Variants in TMEM44 observed in about 807,000 individuals in gnomAD.
TMEM44 encodes the protein transmembrane protein 44.
TMEM44 carries 43 observed loss-of-function variants against 47.8 expected under a neutral mutation model. The observed-to-expected ratio is 0.90, with a 90% confidence interval of 0.70 to 1.16. The LOEUF (loss-of-function observed/expected upper bound fraction) is 1.16. TMEM44 is among the 50% of genes most tolerant of loss of function. TMEM44 has a pLI of 0.00. For missense variants in TMEM44, 568 were observed against 555.2 expected, an observed-to-expected ratio of 1.02 and a Z score of -0.23; for synonymous variants, 277 against 238.8, an observed-to-expected ratio of 1.16 and a Z score of -1.48.
chr3:194,603,930 T>C (rs1318952963), intron 9 of TMEM44, among the ~76,000 whole-genome samples: 1 of 151,952 alleles, frequency 6.6e-6, no homozygotes, highest in Non-Finnish European at 1.5e-5. Flanking sequence ...CTCGGCTCAC[T>C]GCAACCTCTG....
Position 194,633,113 on chromosome 3 carries a change from A to G in TMEM44, c.103T>C (p.Cys35Arg), listed in dbSNP as rs1718002406. The G allele has an allele frequency of 1.3e-6, 2 of 1,550,798 alleles. No individual in the cohort carries two copies. Among genetic ancestry groups the G allele is most frequent in the Non-Finnish European group, 1.7e-6 (2 of 1,147,762 alleles). ...RVCISFGLWI[C>R]ASSCWIAAHA... is the part of the protein sequence containing the mutation. ...GCGGCGATCCAGCAGGAGGAGGCGC[A>G]GATCCACAGGCCGAAGGAGATGCAG... Residue 35 changes from cysteine to arginine, a missense_variant, in exon 1 of 10, where the codon TGC becomes CGC. By Grantham distance (180) the Cys-to-Arg change is radical. Transcript: ENST00000347147.
chr3:194,608,120 C>T (rs1018374107), intron 8 of TMEM44, among the ~76,000 whole-genome samples: 2 of 152,224 alleles, frequency 1.3e-5, no homozygotes, highest in Non-Finnish European at 2.9e-5. Context: ...CAGGAACTCC[C>T]GTGCCTTCCC....
chr3:194,606,201 G>GGGCCCCATAT (rs950877505), intron 8 of TMEM44, among the ~76,000 whole-genome samples: 9 of 152,128 alleles, frequency 5.9e-5, no homozygotes, highest in African/African-American at 2.2e-4. Context: ...TGGCCCCATG[G>GGGCCCCATAT]GACCCCTCTG....
intron 3 of TMEM44, among the ~76,000 whole-genome samples, chr3:194,625,054 T>C (rs1442916981): frequency 6.6e-6 from 1 of 152,080 alleles, no homozygotes; most frequent in African/African-American, 2.4e-5. Flanking sequence ...CCCAAGCACA[T>C]GGCTGACCCT....
intron 9 of TMEM44, among the ~76,000 whole-genome samples, chr3:194,593,756 A>G (rs139047076): frequency 6.6e-6 from 1 of 152,324 alleles, no homozygotes; most frequent in East Asian, 1.9e-4. Context: ...TAGGGTTATT[A>G]TCACATTAAA....
At chr3:194,594,875 A>G (rs981473344) in intron 9 of TMEM44, among the ~76,000 whole-genome samples, 9 of 152,352 alleles carry the variant, frequency 5.9e-5, no homozygotes, top group African/African-American at 1.9e-4. Flanking sequence ...TCTAAAATTT[A>G]GGAAGAGCGC....
chr3:194,620,667 G>T (rs568863952), intron 5 of TMEM44, among the ~76,000 whole-genome samples: 60 of 152,254 alleles, frequency 3.9e-4, no homozygotes, highest in African/African-American at 1.4e-3. Flanking sequence ...CAGTGGTGGG[G>T]CTGGCCTGGG....
intron 1 of TMEM44, among the ~76,000 whole-genome samples, chr3:194,632,027 C>T (rs114207613): frequency 0.016 from 2,375 of 152,314 alleles, 59 homozygotes; most frequent in African/African-American, 0.054. Context: ...TTTAATCTCT[C>T]TTACCAGCCT....
chr3:194,604,455 G>A lies in TMEM44; in HGVS notation c.1018-10C>T. 6.7e-7 allele frequency: 1 copy of A among 1,494,730 alleles called. No individual in the cohort carries two copies. Among genetic ancestry groups the A allele is most frequent in the Non-Finnish European group, 9.0e-7 (1 of 1,116,030 alleles). 92.6% of individuals were successfully genotyped at this position (1,494,730 alleles called of 1,614,324 possible). A position where few individuals can be genotyped will look rare whatever the true frequency, so the allele number is the denominator to read the frequency against. On this transcript the variant is annotated splice_polypyrimidine_tract_variant and intron_variant, in intron 8 of 9. Transcript: ENST00000347147. The stretch of plus-strand genomic sequence containing the variant: ...TGGCACTGCAGCCTGCCTGCAAGGT[G>A]TGTGAGAAAGGGCAGGCAAGGACAC...
chr3:194,601,148 TG>T lies in TMEM44; in HGVS notation c.1176+3138del, dbSNP rs201645843. Among the ~76,000 whole-genome samples the T allele has an allele frequency of 5.5e-4, 82 of 150,080 alleles. 2 individuals carry two copies. Among genetic ancestry groups the T allele is most frequent in the East Asian group, 1.6e-3 (8 of 5,092 alleles). On this transcript the variant is annotated intron_variant, in intron 9 of 9. Transcript: ENST00000347147. ...CCTGTCTTCTTGGAATTTACTTGTT[TG>T]TTTTTTTTTTTTGAGGTGGAGTTTC...
chr3:194,630,031 T>C (rs548591817), intron 1 of TMEM44, among the ~76,000 whole-genome samples: 1 of 93,728 alleles, frequency 1.1e-5, no homozygotes, highest in Admixed American at 1.2e-4. Context: ...GCTGGCTGTT[T>C]CCATCGGCGT....
intron 9 of TMEM44, among the ~76,000 whole-genome samples, chr3:194,599,866 TCTC>T (rs201561863): frequency 0.34 from 51,643 of 150,820 alleles, 9,528 homozygotes; most frequent in East Asian, 0.77. Context: ...TTCAAGTGAT[TCTC>T]CTATCTCAGC....
chr3:194,609,578 G>C (rs1175018601), intron 8 of TMEM44, among the ~76,000 whole-genome samples: 1 of 152,094 alleles, frequency 6.6e-6, no homozygotes, highest in Non-Finnish European at 1.5e-5. Flanking sequence ...GGAATAGTGG[G>C]ACATGGGGTG....
chr3:194,588,871 CT>C, intron 9 of TMEM44: 1 of 531,398 alleles, frequency 1.9e-6, no homozygotes. Flanking sequence ...AACAGCTTCA[CT>C]TTCCTTCCCG....
chr3:194,631,069 T>C (rs1280867476), intron 1 of TMEM44, among the ~76,000 whole-genome samples: 1 of 141,304 alleles, frequency 7.1e-6, no homozygotes, highest in Admixed American at 6.9e-5. Flanking sequence ...AAATAATACG[T>C]TGTCGCACGT....
At chr3:194,616,096 G>A (rs556357809) in intron 6 of TMEM44, among the ~76,000 whole-genome samples, 1 of 151,786 alleles carries the variant, frequency 6.6e-6, no homozygotes, top group African/African-American at 2.4e-5. Context: ...CTGTCACCCA[G>A]GCTGGAGTGC....
At chr3:194,613,595 C>A (rs1248168140) in intron 7 of TMEM44, among the ~76,000 whole-genome samples, 1 of 144,010 alleles carries the variant, frequency 6.9e-6, no homozygotes, top group African/African-American at 2.6e-5. Context: ...CAGGTTCAAG[C>A]GATTCTCCTG....
chr3:194,592,288 C>T (rs924439023), intron 9 of TMEM44, among the ~76,000 whole-genome samples: 36 of 151,978 alleles, frequency 2.4e-4, no homozygotes, highest in African/African-American at 8.2e-4. Context: ...GCAAAAGATC[C>T]ATTTTCATAT....
At chr3:194,604,619 CTGTGTCT>C (rs1296154555) in intron 8 of TMEM44, among the ~76,000 whole-genome samples, 174 bp from the exon 9 acceptor site, 1 of 152,252 alleles carries the variant, frequency 6.6e-6, no homozygotes, top group East Asian at 1.9e-4. Context: ...AGCCAGTGCC[CTGTGTCT>C]TGTGTATCCC....
Sources: gnomAD v4.1 joint callset for allele counts (sites outside exome capture counted in the v4.1 genomes callset) on GRCh38, gnomAD v4.1.1 for gene constraint, MANE v1.5 for transcripts, NCBI Gene and HGNC (gene_info 2026-07-23, HGNC 2026-07-21) for gene names.